CHPT1: variants seen among roughly 807,000 people sequenced by gnomAD.
The protein encoded by CHPT1 is choline phosphotransferase 1.
CHPT1 carries 36 observed loss-of-function variants against 47.6 expected under a neutral mutation model. That is an observed-to-expected ratio of 0.76 (90% CI 0.58 to 1.00). CHPT1 has a LOEUF of 1.00. Ranked by LOEUF, CHPT1 falls within the 50% of genes least tolerant of loss-of-function variation. The pLI is 0.00. For missense variants in CHPT1, 458 were observed against 498.1 expected, an observed-to-expected ratio of 0.92 and a Z score of 0.77; for synonymous variants, 194 against 186.3, an observed-to-expected ratio of 1.04 and a Z score of -0.33.
At chr12:101,698,162 GC>G in intron 1 of CHPT1, 28 bp downstream of exon 1, 2 of 1,410,930 alleles carry the variant, frequency 1.4e-6, no homozygotes, top group African/African-American at 1.5e-5. Context: ...CCCGAGCCGG[GC>G]CCCAGATGCG....
At chr12:101,716,303 T>C (rs1369977443) in intron 3 of CHPT1, among the ~76,000 whole-genome samples, 1 of 152,234 alleles carries the variant, frequency 6.6e-6, no homozygotes, top group Non-Finnish European at 1.5e-5. Context: ...TTCCCTGCTT[T>C]TTAAGTGAAA....
intron 1 of CHPT1, among the ~76,000 whole-genome samples, chr12:101,708,698 G>A (rs1951665921): frequency 8.0e-6 from 1 of 124,264 alleles, no homozygotes. Context: ...CTGGGTTCAA[G>A]CAATTCTCGT....
intron 7 of CHPT1, 147 bp downstream of exon 7, chr12:101,723,994 A>G: frequency 3.5e-6 from 2 of 575,342 alleles, no homozygotes; most frequent in South Asian, 4.2e-5. Context: ...AGGTGGACGG[A>G]TCATTTGAGG....
chr12:101,710,095 A>T (rs1951685700), intron 1 of CHPT1, among the ~76,000 whole-genome samples: 1 of 149,370 alleles, frequency 6.7e-6, no homozygotes, highest in East Asian at 2.0e-4. Context: ...CTGTAATCCC[A>T]GCACTTTGGG....
rs563217696 is a variant in CHPT1, at chr12:101,720,053, T to A, written c.649-70T>A. 10 of 1,048,324 alleles carry A rather than the reference T, an allele frequency of 9.5e-6. No individual in the cohort carries two copies. In the East Asian group the frequency reaches 2.3e-4, roughly 24 times the overall value. The allele number at this position is 1,048,324 out of a possible 1,614,324, so 64.9% of individuals were successfully genotyped here. ...GCTTATTGTACAGGGCTTATCATTA[T>A]GTTTCTTTATTATTTAATAAAAAAC... On this transcript the variant is annotated intron_variant, in intron 4 of 8. Coordinates refer to ENST00000229266, the MANE Select transcript of CHPT1 (RefSeq NM_020244.3).
At chr12:101,713,304 C>T (rs1951719881) in intron 1 of CHPT1, among the ~76,000 whole-genome samples, 2 of 123,602 alleles carry the variant, frequency 1.6e-5, no homozygotes, top group Non-Finnish European at 1.9e-5. Flanking sequence ...TCATCTCATT[C>T]AGGCACAGAT....
At chr12:101,728,267 A>AGATGT (rs1952020967) in intron 8 of CHPT1, 1 of 152,176 alleles carries the variant, frequency 6.6e-6, no homozygotes. Flanking sequence ...AAATAAACGC[A>AGATGT]GATGTGATAT....
chr12:101,722,585 G>A (rs1594142375), intron 5 of CHPT1, among the ~76,000 whole-genome samples: 2 of 151,980 alleles, frequency 1.3e-5, no homozygotes, highest in East Asian at 1.9e-4. Flanking sequence ...GGGTGTGGTG[G>A]CTCTCGCCTG....
intron 5 of CHPT1, among the ~76,000 whole-genome samples, chr12:101,722,563 C>T (rs547466181): frequency 3.3e-5 from 5 of 151,576 alleles, no homozygotes; most frequent in Non-Finnish European, 5.9e-5. Flanking sequence ...TAGAAAGAAA[C>T]TAGGATAAGC....
intron 7 of CHPT1, among the ~76,000 whole-genome samples, 195 bp downstream of exon 7, chr12:101,724,042 C>G (rs1032345456): frequency 6.6e-6 from 1 of 151,680 alleles, no homozygotes; most frequent in Non-Finnish European, 1.5e-5. Context: ...CATGGTAAAA[C>G]TCTGTCTGTA....
At chr12:101,728,378 T>G (rs77288192) in intron 8 of CHPT1, 5,663 of 153,810 alleles carry the variant, frequency 0.037, 351 homozygotes, top group African/African-American at 0.13. Context: ...CAATGACATA[T>G]TCACAAATCC....
chr12:101,722,987 GTCACCCTCAGGTTCTATGA>G (rs1165863183), intron 5 of CHPT1, among the ~76,000 whole-genome samples, 162 bp from the exon 6 acceptor site: 2 of 152,166 alleles, frequency 1.3e-5, no homozygotes, highest in Non-Finnish European at 2.9e-5. Flanking sequence ...TTATGTCTCT[GTCACCCTCAGGTTCTATGA>G]AACCTTGGAA....
chr12:101,719,742 C>G (rs1356259698), intron 4 of CHPT1: 6 of 255,474 alleles, frequency 2.3e-5, no homozygotes, highest in Non-Finnish European at 4.6e-5. Context: ...TATAAACAGA[C>G]TAAGCTGGTT....
At chr12:101,715,413 C>T (rs1951750193) in intron 3 of CHPT1, among the ~76,000 whole-genome samples, 1 of 152,146 alleles carries the variant, frequency 6.6e-6, no homozygotes, top group Admixed American at 6.6e-5. Flanking sequence ...AAGCTTAAAA[C>T]TATGGATCAT....
At chr12:101,701,162 A>T (rs1073083) in intron 1 of CHPT1, among the ~76,000 whole-genome samples, 36,332 of 152,110 alleles carry the variant, frequency 0.24, 4,389 homozygotes, top group Middle Eastern at 0.32. Context: ...ATCATTTCCA[A>T]TAAGGAACTT....
rs7299748 is a variant in CHPT1, at chr12:101,719,524, T to C, written c.649-599T>C. Reference sequence around the variant, plus strand: ...ACAGCAGTTGACCAACAGGTAAATATATTGCTAGAGATTTAATCCTGGATA... The same window carrying C: ...ACAGCAGTTGACCAACAGGTAAATACATTGCTAGAGATTTAATCCTGGATA... On this transcript the variant is annotated intron_variant, in intron 4 of 8. Transcript: ENST00000229266. 6.1e-3 allele frequency: 7,792 copies of C among 1,283,598 alleles called. 402 individuals are homozygous for C. The African/African-American group carries it at 0.11, about 18-fold the overall frequency. The allele number at this position is 1,283,598 out of a possible 1,614,324, so 79.5% of individuals were successfully genotyped here.
chr12:101,698,106 TCTC>T lies in CHPT1; in HGVS notation c.248_250del (p.Ser83del), dbSNP rs762033675. On this transcript the variant is annotated inframe_deletion, in exon 1 of 9. Coordinates refer to ENST00000229266, the MANE Select transcript of CHPT1 (RefSeq NM_020244.3). Reference sequence around the variant, plus strand: ...AACGTGGTCACCACGCTCGTGCTCATCTCCTACTGTCCCACGGCCACCGAAGAG... The same window carrying T: ...AACGTGGTCACCACGCTCGTGCTCATCTACTGTCCCACGGCCACCGAAGAG... 9.7e-6 allele frequency: 15 copies of T among 1,545,882 alleles called. No homozygotes were observed. The highest frequency in any genetic ancestry group is 8.7e-6 in the Non-Finnish European group (10 of 1,153,678).
At chr12:101,717,259 A>G in intron 4 of CHPT1, 1 of 454,848 alleles carries the variant, frequency 2.2e-6, no homozygotes, top group Middle Eastern at 3.3e-4. Flanking sequence ...ATATTAAGGA[A>G]TGTTTTTATT....
rs189851897 is a variant in CHPT1, at chr12:101,698,624, C to T, written c.273+490C>T. On this transcript the variant is annotated intron_variant, in intron 1 of 8. Coordinates refer to ENST00000229266, the MANE Select transcript of CHPT1 (RefSeq NM_020244.3). Reference sequence around the variant, plus strand: ...GTTGAGCTAGTGATCTTGAAATGACCGGTAGCACTGATCAAAGATGAGTTA... The same window carrying T: ...GTTGAGCTAGTGATCTTGAAATGACTGGTAGCACTGATCAAAGATGAGTTA... 3.3e-3 allele frequency among the ~76,000 whole-genome samples: 506 copies of T among 152,328 alleles called. 6 individuals are homozygous for T. The highest frequency in any genetic ancestry group is 1.2e-3 in the Non-Finnish European group (80 of 68,038).
Sources: gnomAD v4.1 joint callset for allele counts (sites outside exome capture counted in the v4.1 genomes callset) on GRCh38, gnomAD v4.1.1 for gene constraint, MANE v1.5 for transcripts, NCBI Gene and HGNC (gene_info 2026-07-23, HGNC 2026-07-21) for gene names.